The following PTPRT variants were observed in gnomAD, a reference collection of about 807,000 sequenced individuals.
The protein encoded by PTPRT is receptor-type tyrosine-protein phosphatase T.
In PTPRT, 56 loss-of-function variants were observed where a neutral mutation model predicts 176.8. The ratio of observed to expected loss-of-function variants is 0.32; its 90% CI spans 0.26 to 0.40. PTPRT has a LOEUF of 0.40. Ranked by LOEUF, PTPRT falls within the 10% of genes least tolerant of loss-of-function variation. The probability of loss-of-function intolerance (pLI) is 1.00; values close to 1 mark genes in which losing one functional copy is unlikely to be tolerated. For synonymous variants in PTPRT, 783 were observed against 739.0 expected (o/e 1.06, Z -0.96); for missense variants, 1,540 against 1,908.2 (o/e 0.81, Z 3.60).
At chr20:42,528,626 T>A (rs2072321432) in intron 7 of PTPRT, among the ~76,000 whole-genome samples, 1 of 152,122 alleles carries the variant, frequency 6.6e-6, no homozygotes, top group Non-Finnish European at 1.5e-5. Flanking sequence ...TTACATACAA[T>A]TCCAAGTGTC....
chr20:42,234,858 C>A (rs2056208904), intron 15 of PTPRT, among the ~76,000 whole-genome samples: 1 of 152,146 alleles, frequency 6.6e-6, no homozygotes, highest in Non-Finnish European at 1.5e-5. Flanking sequence ...ACCTGTGGAC[C>A]CCACACTGAG....
chr20:42,077,813 A>ATTTTTTTT lies in PTPRT; in HGVS notation c.*3058_*3065dup, dbSNP rs3084621. On this transcript the variant is annotated 3_prime_UTR_variant, in exon 31 of 31. Coordinates refer to ENST00000373187, the MANE Select transcript of PTPRT (RefSeq NM_007050.6). ...CTGGGTTACCCCAACATGGCCTGAG[A>ATTTTTTTT]TTTTTTTTTTTTGCAAGTTTGTTTC... The ATTTTTTTT allele has an allele frequency of 1.5e-4, 27 of 181,750 alleles. No individual in the cohort carries two copies. The highest frequency in any genetic ancestry group is 5.6e-4 in the African/African-American group (23 of 40,938). The allele number at this position is 181,750 out of a possible 1,614,324, so 11.3% of individuals were successfully genotyped here.
chr20:42,896,267 C>T (rs1375935402), intron 1 of PTPRT, among the ~76,000 whole-genome samples: 1 of 152,070 alleles, frequency 6.6e-6, no homozygotes. Flanking sequence ...AAGGCGACCT[C>T]CAAGATAGGT....
At chr20:42,135,421 T>C (rs554364756) in intron 18 of PTPRT, among the ~76,000 whole-genome samples, 1 of 152,374 alleles carries the variant, frequency 6.6e-6, no homozygotes, top group African/African-American at 2.4e-5. Flanking sequence ...TGGAAATTCT[T>C]GGGCCCCAGC....
At chr20:42,320,805 G>A (rs1241022004) in intron 11 of PTPRT, among the ~76,000 whole-genome samples, 1 of 152,120 alleles carries the variant, frequency 6.6e-6, no homozygotes, top group African/African-American at 2.4e-5. Flanking sequence ...TCCAGTGCTG[G>A]TCAGTTATTG....
intron 6 of PTPRT, among the ~76,000 whole-genome samples, chr20:42,753,575 A>T (rs1178115829): frequency 6.6e-6 from 1 of 151,996 alleles, no homozygotes; most frequent in African/African-American, 2.4e-5. Context: ...CCACCACCCC[A>T]CCCTCCCTAA....
intron 15 of PTPRT, among the ~76,000 whole-genome samples, chr20:42,230,893 T>G (rs901034579): frequency 6.6e-6 from 1 of 152,226 alleles, no homozygotes. Flanking sequence ...GATCCCTCTG[T>G]TCCATAGCTC....
At chr20:42,353,793 A>T (rs2058321134) in intron 9 of PTPRT, among the ~76,000 whole-genome samples, 1 of 152,212 alleles carries the variant, frequency 6.6e-6, no homozygotes, top group Non-Finnish European at 1.5e-5. Flanking sequence ...TCACACCTGA[A>T]ATCCCAGCAA....
the PTPRT span, among the ~76,000 whole-genome samples, chr20:42,040,300 G>A: frequency 6.6e-6 from 1 of 152,132 alleles, no homozygotes; most frequent in African/African-American, 2.4e-5. Flanking sequence ...TTCCTTACTG[G>A]AGGGGCCACA....
intron 7 of PTPRT, among the ~76,000 whole-genome samples, chr20:42,563,966 G>A (rs1015640866): frequency 3.3e-5 from 5 of 152,142 alleles, no homozygotes; most frequent in South Asian, 2.1e-4. Context: ...TCCTTCTATC[G>A]GTGGCTCCAC....
At chr20:42,268,108 C>G (rs945834943) in intron 13 of PTPRT, among the ~76,000 whole-genome samples, 1 of 152,104 alleles carries the variant, frequency 6.6e-6, no homozygotes, top group African/African-American at 2.4e-5. Context: ...TGCTTAAAGT[C>G]TAATATCCCC....
intron 9 of PTPRT, among the ~76,000 whole-genome samples, chr20:42,444,650 A>G (rs1034322433): frequency 2.0e-5 from 3 of 152,148 alleles, no homozygotes; most frequent in African/African-American, 7.2e-5. Flanking sequence ...AAGGTTGTAT[A>G]TAGAAGGCCA....
intron 8 of PTPRT, among the ~76,000 whole-genome samples, chr20:42,452,177 G>A (rs906035659): frequency 6.6e-6 from 1 of 151,762 alleles, no homozygotes; most frequent in East Asian, 1.9e-4. Context: ...GCTGAGGCAG[G>A]AGAATTGCTT....
chr20:42,158,483 A>C (rs1321149345), intron 17 of PTPRT, among the ~76,000 whole-genome samples: 1 of 152,246 alleles, frequency 6.6e-6, no homozygotes, highest in East Asian at 1.9e-4. Context: ...TGAACAGAGC[A>C]GAGAAGTGAC....
At position 42,315,851 on chromosome 20, in the gene PTPRT, C is replaced by T. The variant is rs760938710; in HGVS notation, c.2011G>A (p.Ala671Thr). 4.3e-6 allele frequency: 7 copies of T among 1,614,164 alleles called. No homozygotes were observed. The highest frequency in any genetic ancestry group is 5.9e-6 in the Non-Finnish European group (7 of 1,180,040). Residue 671 changes from alanine to threonine, a missense_variant, in exon 12 of 31, where the codon GCC (alanine) becomes ACC (threonine). By Grantham distance (58) the Ala-to-Thr change is moderately conservative (BLOSUM62 0). This residue lies in a region of PTPRT where 81 missense variants were observed against 89.9 expected (regional missense o/e 0.90). Transcript: ENST00000373187. ...AATGGCTGGGTGACAGGCAGGTTGG[C>T]AGGCTTCAACTCAGCAGCAAAGTAG... ...LHYFAAELKP[A>T]NLPVTQPFTV...
At chr20:42,131,494 G>T (rs1988120025) in intron 18 of PTPRT, among the ~76,000 whole-genome samples, 1 of 152,130 alleles carries the variant, frequency 6.6e-6, no homozygotes, top group Admixed American at 6.5e-5. Context: ...ATAAAATGAA[G>T]TTGAAAAACC....
chr20:42,661,912 C>A (rs965319400), intron 7 of PTPRT, among the ~76,000 whole-genome samples: 1 of 152,212 alleles, frequency 6.6e-6, no homozygotes, highest in Non-Finnish European at 1.5e-5. Flanking sequence ...GAGACCTCTG[C>A]GTTCCAGAAT....
chr20:42,927,145 T>G (rs911841289), intron 1 of PTPRT, among the ~76,000 whole-genome samples: 1 of 152,218 alleles, frequency 6.6e-6, no homozygotes, highest in Non-Finnish European at 1.5e-5. Context: ...CATCCAGGAC[T>G]TCCCATTTGC....
At chr20:42,648,866 T>C (rs2074973320) in intron 7 of PTPRT, among the ~76,000 whole-genome samples, 1 of 140,570 alleles carries the variant, frequency 7.1e-6, no homozygotes, top group Non-Finnish European at 1.5e-5. Flanking sequence ...TCGCCCAGGC[T>C]GGAGTGCAGT....
Sources: gnomAD v4.1 joint callset for allele counts (sites outside exome capture counted in the v4.1 genomes callset) on GRCh38, gnomAD v4.1.1 for gene constraint, gnomAD v4.1.1 regional missense constraint, MANE v1.5 for transcripts, NCBI Gene and HGNC (gene_info 2026-07-23, HGNC 2026-07-21) for gene names.